The following AMPH variants were observed in gnomAD, a reference collection of about 807,000 sequenced individuals.
AMPH encodes the protein amphiphysin, also known as amphiphysin (Stiff-Mann syndrome with breast cancer 128kD autoantigen).
In AMPH, 49 loss-of-function variants were observed where a neutral mutation model predicts 99.1. The observed-to-expected ratio is 0.49, with a 90% CI of 0.39 to 0.63. The LOEUF (loss-of-function observed/expected upper bound fraction) is 0.63. Among genes scored for constraint, AMPH ranks in the 20% least tolerant of loss-of-function variants. The pLI, the probability that AMPH is intolerant of heterozygous loss-of-function variation, is 0.00. For missense variants in AMPH, 759 were observed against 863.4 expected (o/e 0.88, Z 1.52); for synonymous variants, 314 against 317.3 (o/e 0.99, Z 0.11).
At chr7:38,482,410 T>C (rs1426626385) in intron 5 of AMPH, among the ~76,000 whole-genome samples, 1 of 152,136 alleles carries the variant, frequency 6.6e-6, no homozygotes, top group Non-Finnish European at 1.5e-5. Context: ...AATAAAAGAA[T>C]TGCTCAAGGA....
intron 16 of AMPH, chr7:38,421,131 A>C (rs1053304460): frequency 4.5e-6 from 2 of 448,908 alleles, no homozygotes; most frequent in Middle Eastern, 3.3e-4. Context: ...ACATACAAAC[A>C]GAAGAGAAAG....
intron 5 of AMPH, among the ~76,000 whole-genome samples, chr7:38,478,339 A>AT (rs1402013526): frequency 2.0e-5 from 3 of 152,198 alleles, no homozygotes; most frequent in Admixed American, 2.0e-4. Flanking sequence ...ATATTAAAAT[A>AT]TAAGTACAAG....
intron 17 of AMPH, among the ~76,000 whole-genome samples, chr7:38,405,461 T>TA (rs1274063446): frequency 3.9e-5 from 6 of 152,188 alleles, no homozygotes; most frequent in African/African-American, 1.4e-4. Context: ...GACACCCATC[T>TA]AACATGTAAT....
intron 11 of AMPH, among the ~76,000 whole-genome samples, chr7:38,441,770 G>GATATATATCATATATATC: frequency 1.2e-5 from 1 of 85,846 alleles, no homozygotes; most frequent in Non-Finnish European, 2.4e-5. Context: ...TCATATATAT[G>GATATATATCATATATATC]ATATATATCA....
Position 38,539,800 on chromosome 7 carries a change from T to C in AMPH, c.70-4789A>G, listed in dbSNP as rs546264670. Among the ~76,000 whole-genome samples the C allele has an allele frequency of 7.2e-5, 11 of 152,288 alleles. No individual in the cohort carries two copies. The East Asian group carries it at 2.1e-3, about 29-fold the overall frequency. ...CTAGGCCCCACTGAGGCAAAGACCA[T>C]GATGTGCAGTTGCCTACATGTAAGC... On this transcript the variant is annotated intron_variant, in intron 1 of 20. Coordinates refer to ENST00000356264, the MANE Select transcript of AMPH (RefSeq NM_001635.4).
Position 38,425,784 on chromosome 7 carries a change from TGAAG to T in AMPH, c.1215+1166_1215+1169del, listed in dbSNP as rs1785761103. Among the ~76,000 whole-genome samples, 7 of 152,328 alleles carry T rather than the reference TGAAG, an allele frequency of 4.6e-5. No homozygotes were observed. The South Asian group carries it at 1.4e-3, about 32-fold the overall frequency. On this transcript the variant is annotated intron_variant, in intron 15 of 20. Transcript: ENST00000356264. ...TATAGGGCGGAAACAGAGAATTTGTTGAAGGAAGTGAAACTATTTACCTCTAAGA... is the reference window on the plus strand; with the variant it reads ...TATAGGGCGGAAACAGAGAATTTGTTGAAGTGAAACTATTTACCTCTAAGA...
chr7:38,452,014 T>C (rs914943331), intron 11 of AMPH, among the ~76,000 whole-genome samples: 1 of 152,242 alleles, frequency 6.6e-6, no homozygotes, highest in Admixed American at 6.5e-5. Flanking sequence ...ATTTAAAGTT[T>C]GGGCCATTAG....
intron 2 of AMPH, among the ~76,000 whole-genome samples, chr7:38,518,780 A>G (rs1789845436): frequency 6.6e-6 from 1 of 152,228 alleles, no homozygotes; most frequent in Non-Finnish European, 1.5e-5. Context: ...TGATGTTGGA[A>G]TAAGTTAAGA....
chr7:38,448,765 T>C (rs1786889805), intron 11 of AMPH, among the ~76,000 whole-genome samples: 1 of 152,230 alleles, frequency 6.6e-6, no homozygotes, highest in Non-Finnish European at 1.5e-5. Context: ...CTATCGATTG[T>C]TCTCTCACAT....
At chr7:38,558,093 C>A (rs2129047983) in intron 1 of AMPH, among the ~76,000 whole-genome samples, 2 of 152,176 alleles carry the variant, frequency 1.3e-5, no homozygotes, top group Middle Eastern at 3.4e-3. Flanking sequence ...GAGGTAAAAA[C>A]CGCAAGACAA....
intron 1 of AMPH, among the ~76,000 whole-genome samples, chr7:38,579,920 G>A (rs776334369): frequency 1.3e-5 from 2 of 152,016 alleles, no homozygotes; most frequent in African/African-American, 2.4e-5. Flanking sequence ...CACAATGTTC[G>A]CCAGAAAATG....
chr7:38,493,060 C>T (rs80117269), intron 4 of AMPH, among the ~76,000 whole-genome samples: 12,890 of 152,202 alleles, frequency 0.085, 764 homozygotes, highest in Middle Eastern at 0.17. Flanking sequence ...CCAACAAATG[C>T]TTTCCTCATA....
chr7:38,581,199 C>T (rs967954074), intron 1 of AMPH, among the ~76,000 whole-genome samples: 3 of 151,854 alleles, frequency 2.0e-5, no homozygotes, highest in Non-Finnish European at 4.4e-5. Flanking sequence ...ATACGTCATA[C>T]ATTAAATGGC....
chr7:38,567,829 A>G (rs185242670), intron 1 of AMPH, among the ~76,000 whole-genome samples: 1 of 152,310 alleles, frequency 6.6e-6, no homozygotes, highest in African/African-American at 2.4e-5. Context: ...AGTAATAATA[A>G]TAATCAACCC....
At chr7:38,596,687 T>C (rs183506233) in intron 1 of AMPH, among the ~76,000 whole-genome samples, 27 of 152,224 alleles carry the variant, frequency 1.8e-4, no homozygotes, top group African/African-American at 6.3e-4. Context: ...TCTTCCTCTT[T>C]ATTTATTTTT....
rs1790922532 is a variant in AMPH, at chr7:38,544,464, T to A, written c.70-9453A>T. On this transcript the variant is annotated intron_variant, in intron 1 of 20. Transcript: ENST00000356264. ...TACTGGGTTCTATATCTGGGGTCCA[T>A]GAACAGATCCCAAGATGTCCAGGAA... 2.0e-5 allele frequency among the ~76,000 whole-genome samples: 3 copies of A among 152,256 alleles called. No individual in the cohort carries two copies. In the East Asian group the frequency reaches 5.8e-4, roughly 29 times the overall value.
intron 5 of AMPH, among the ~76,000 whole-genome samples, chr7:38,484,981 G>A (rs185389593): frequency 2.0e-5 from 3 of 151,538 alleles, no homozygotes; most frequent in Non-Finnish European, 4.4e-5. Flanking sequence ...GAAGTTACAC[G>A]AAAGTAAAAC....
chr7:38,387,163 T>C (rs1203847409), intron 20 of AMPH, among the ~76,000 whole-genome samples: 2 of 152,178 alleles, frequency 1.3e-5, no homozygotes, highest in African/African-American at 2.4e-5. Flanking sequence ...AATAAGCAAT[T>C]TTCAGATATA....
At chr7:38,594,182 A>G (rs537786649) in intron 1 of AMPH, among the ~76,000 whole-genome samples, 1 of 152,300 alleles carries the variant, frequency 6.6e-6, no homozygotes, top group Admixed American at 6.5e-5. Context: ...AATTCCAGGT[A>G]TGTCCTGAAA....
Sources: allele counts gnomAD v4.1 joint callset (sites outside exome capture counted in the v4.1 genomes callset), GRCh38; gene constraint gnomAD v4.1.1; transcripts MANE v1.5; gene names NCBI Gene and HGNC (gene_info 2026-07-23, HGNC 2026-07-21).